The following CDH13 variants were observed in gnomAD, a reference collection of about 807,000 sequenced individuals.
CDH13 encodes the protein cadherin 13.
Under a neutral mutation model 63.8 loss-of-function variants are expected in CDH13, and 24 were observed. The observed-to-expected ratio is 0.38, with a 90% confidence interval of 0.27 to 0.53. The LOEUF is 0.53. Ranked by LOEUF, CDH13 falls within the 20% of genes least tolerant of loss-of-function variation. CDH13 has a pLI of 0.85. For synonymous variants in CDH13, 503 were observed against 355.3 expected, an observed-to-expected ratio of 1.42 and a Z score of -4.67; for missense variants, 1,049 against 903.1, an observed-to-expected ratio of 1.16 and a Z score of -2.07.
rs147506575 is a variant in CDH13, at chr16:83,051,114, TC to T, written c.366+18899del. ...CGTGCCTGTTACTATCTAATTGACT[TC>T]CCAAAGAATAACTGTGATCATATCA... On this transcript the variant is annotated intron_variant, in intron 3 of 13. Coordinates refer to ENST00000567109, the MANE Select transcript of CDH13 (RefSeq NM_001257.5). Among the ~76,000 whole-genome samples, 819 of 152,300 alleles carry T rather than the reference TC, an allele frequency of 5.4e-3. 11 individuals carry two copies. The highest frequency in any genetic ancestry group is 0.017 in the African/African-American group (715 of 41,544).
chr16:83,406,640 A>C (rs1372403117), intron 6 of CDH13, among the ~76,000 whole-genome samples: 1 of 151,936 alleles, frequency 6.6e-6, no homozygotes, highest in Admixed American at 6.6e-5. Flanking sequence ...TAATTTTTGT[A>C]TTTTTAGTAG....
chr16:82,884,211 T>C (rs192526107), intron 2 of CDH13: 19 of 455,934 alleles, frequency 4.2e-5, no homozygotes, highest in Admixed American at 4.0e-4. Context: ...GACAGACTTT[T>C]AAAGTAGAGG....
At chr16:83,307,122 T>A (rs189633182) in intron 5 of CDH13, among the ~76,000 whole-genome samples, 1 of 152,296 alleles carries the variant, frequency 6.6e-6, no homozygotes, top group East Asian at 1.9e-4. Context: ...AACACAGGGT[T>A]TGCAGTCACT....
rs566218962 is a variant in CDH13, at chr16:83,113,604, C to G, written c.367-11781C>G. On this transcript the variant is annotated intron_variant, in intron 3 of 13. Coordinates refer to ENST00000567109, the MANE Select transcript of CDH13 (RefSeq NM_001257.5). ...CAGTGGCACTGAATGAACGTGTGAT[C>G]AGAAGCTGAGACAGGGCTCTAGGGG... 6.6e-5 allele frequency among the ~76,000 whole-genome samples: 10 copies of G among 152,252 alleles called. No homozygotes were observed. The South Asian group carries it at 2.1e-3, about 32-fold the overall frequency.
At chr16:83,671,457 C>T (rs1914493633) in intron 9 of CDH13, among the ~76,000 whole-genome samples, 1 of 152,132 alleles carries the variant, frequency 6.6e-6, no homozygotes, top group African/African-American at 2.4e-5. Context: ...CCATGTTGCC[C>T]AGGCTTGTCT....
intron 1 of CDH13, 37 bp from the exon 2 acceptor site, chr16:82,858,325 G>A (rs2039786897): frequency 1.4e-6 from 2 of 1,386,184 alleles, no homozygotes; most frequent in Non-Finnish European, 2.1e-6. Context: ...AAACACATAA[G>A]CCGCTATTAA....
intron 8 of CDH13, among the ~76,000 whole-genome samples, chr16:83,614,878 A>C (rs1909156808): frequency 6.6e-6 from 1 of 152,198 alleles, no homozygotes; most frequent in Admixed American, 6.5e-5. Context: ...TTTGCTTCAA[A>C]ATCAACTTAT....
chr16:83,786,589 T>C (rs1425911509), intron 13 of CDH13, among the ~76,000 whole-genome samples: 1 of 46,734 alleles, frequency 2.1e-5, no homozygotes, highest in African/African-American at 5.3e-5. Flanking sequence ...TTTGTTTACT[T>C]ATTTATTTAT....
intron 12 of CDH13, among the ~76,000 whole-genome samples, chr16:83,781,098 T>C (rs1207266058): frequency 2.0e-5 from 3 of 152,216 alleles, no homozygotes; most frequent in African/African-American, 7.2e-5. Flanking sequence ...CTTCCATGCA[T>C]CTTCTTTCTC....
intron 2 of CDH13, among the ~76,000 whole-genome samples, chr16:83,005,857 G>A (rs1474686373): frequency 6.6e-6 from 1 of 152,196 alleles, no homozygotes; most frequent in East Asian, 1.9e-4. Context: ...AATTATGTAA[G>A]CTTGTACAGT....
At chr16:82,675,724 C>T (rs112875981) in intron 1 of CDH13, among the ~76,000 whole-genome samples, 5 of 152,310 alleles carry the variant, frequency 3.3e-5, no homozygotes, top group East Asian at 1.9e-4. Flanking sequence ...GCCTTTCCTA[C>T]TGAGATCAAG....
chr16:82,957,965 G>A (rs955980408), intron 2 of CDH13, among the ~76,000 whole-genome samples: 3 of 152,250 alleles, frequency 2.0e-5, no homozygotes, highest in Non-Finnish European at 4.4e-5. Flanking sequence ...TGTGGAAGAC[G>A]CCTCTTCACT....
intron 1 of CDH13, among the ~76,000 whole-genome samples, chr16:82,703,039 A>G (rs150772479): frequency 6.6e-6 from 1 of 152,188 alleles, no homozygotes; most frequent in Admixed American, 6.5e-5. Flanking sequence ...AAACACTTAC[A>G]GCATCAGTTC....
intron 5 of CDH13, among the ~76,000 whole-genome samples, chr16:83,297,726 G>A (rs1028267747): frequency 9.2e-5 from 14 of 151,988 alleles, no homozygotes; most frequent in Admixed American, 2.0e-4. Context: ...GAACATGCCT[G>A]GCACATAGAT....
intron 11 of CDH13, among the ~76,000 whole-genome samples, chr16:83,759,838 C>T (rs936069722): frequency 1.1e-4 from 16 of 151,136 alleles, no homozygotes; most frequent in East Asian, 2.0e-4. Flanking sequence ...TGAGGCAGGA[C>T]GATCACTTGA....
intron 2 of CDH13, among the ~76,000 whole-genome samples, chr16:82,949,127 A>G (rs1364700938): frequency 6.6e-6 from 1 of 152,176 alleles, no homozygotes; most frequent in Non-Finnish European, 1.5e-5. Flanking sequence ...GTACTGGGTG[A>G]CTTAAAACAG....
chr16:83,582,472 C>T (rs1567782892), intron 7 of CDH13, among the ~76,000 whole-genome samples: 1 of 152,064 alleles, frequency 6.6e-6, no homozygotes, highest in Admixed American at 6.5e-5. Flanking sequence ...GCAAATCACA[C>T]ATGTTTCTAG....
At chr16:82,894,285 T>C (rs2041175402) in intron 2 of CDH13, among the ~76,000 whole-genome samples, 1 of 152,154 alleles carries the variant, frequency 6.6e-6, no homozygotes. Flanking sequence ...TGTTCTCCCA[T>C]GTTGGAAGAA....
At chr16:83,756,542 A>G (rs982368995) in intron 11 of CDH13, among the ~76,000 whole-genome samples, 3 of 152,272 alleles carry the variant, frequency 2.0e-5, no homozygotes, top group African/African-American at 7.2e-5. Flanking sequence ...AAACAACATT[A>G]TGAAATTTTT....
Sources: allele counts gnomAD v4.1 joint callset (sites outside exome capture counted in the v4.1 genomes callset), GRCh38; gene constraint gnomAD v4.1.1; transcripts MANE v1.5; gene names NCBI Gene and HGNC (gene_info 2026-07-23, HGNC 2026-07-21).